TBCK: variants seen among roughly 807,000 people sequenced by gnomAD.
The protein encoded by TBCK is TBC domain-containing protein kinase-like protein.
In TBCK, 99 loss-of-function variants were observed where a neutral mutation model predicts 113.4. That is an observed-to-expected ratio of 0.87 (90% CI 0.74 to 1.03). The LOEUF is 1.03. TBCK is among the 50% of genes least tolerant of loss of function. The pLI, the probability that TBCK is intolerant of heterozygous loss-of-function variation, is 0.00. For synonymous variants in TBCK, 369 were observed against 370.8 expected (o/e 1.00, Z 0.05); for missense variants, 1,045 against 1,061.3 (o/e 0.98, Z 0.21).
chr4:106,244,883 C>A, intron 10 of TBCK, 119 bp from the exon 11 acceptor site: 1 of 607,706 alleles, frequency 1.6e-6, no homozygotes, highest in Non-Finnish European at 2.7e-6. Flanking sequence ...ACTTCCAGTT[C>A]CTAGTTCTGA....
intron 25 of TBCK, among the ~76,000 whole-genome samples, chr4:106,088,745 G>A (rs1350466936): frequency 6.6e-6 from 1 of 152,226 alleles, no homozygotes; most frequent in Admixed American, 6.5e-5. Flanking sequence ...ATACTATGAA[G>A]CCATAAAAAG....
At chr4:106,175,717 A>G (rs1344553490) in intron 22 of TBCK, among the ~76,000 whole-genome samples, 1 of 151,994 alleles carries the variant, frequency 6.6e-6, no homozygotes, top group African/African-American at 2.4e-5. Flanking sequence ...AAATATTTCA[A>G]CCACAACAAT....
chr4:106,242,189 A>G (rs1182692654), intron 12 of TBCK, among the ~76,000 whole-genome samples: 3 of 152,072 alleles, frequency 2.0e-5, no homozygotes, highest in African/African-American at 4.8e-5. Flanking sequence ...TAGATTAACA[A>G]TTTTTTAAAA....
chr4:106,295,902 A>G (rs2125849850), intron 2 of TBCK, among the ~76,000 whole-genome samples: 1 of 152,106 alleles, frequency 6.6e-6, no homozygotes, highest in Admixed American at 6.5e-5. Flanking sequence ...GAGTTTTTTC[A>G]AATTGTCAAA....
intron 23 of TBCK, among the ~76,000 whole-genome samples, chr4:106,129,733 A>C (rs989932448): frequency 2.6e-5 from 4 of 152,222 alleles, no homozygotes; most frequent in African/African-American, 9.6e-5. Flanking sequence ...CAGTCATAGA[A>C]ATACAAAAAG....
At chr4:106,130,902 T>C (rs1053055751) in intron 23 of TBCK, among the ~76,000 whole-genome samples, 3 of 152,178 alleles carry the variant, frequency 2.0e-5, no homozygotes, top group African/African-American at 2.4e-5. Flanking sequence ...ACTATACTTA[T>C]AATAGGTAAT....
intron 3 of TBCK, among the ~76,000 whole-genome samples, chr4:106,284,801 G>C (rs753560060): frequency 6.6e-6 from 1 of 152,098 alleles, no homozygotes; most frequent in African/African-American, 2.4e-5. Flanking sequence ...TGCCTGCTTT[G>C]ATAGCAGTGA....
intron 3 of TBCK, among the ~76,000 whole-genome samples, chr4:106,277,260 G>T (rs892154821): frequency 6.6e-6 from 1 of 151,988 alleles, no homozygotes; most frequent in Non-Finnish European, 1.5e-5. Flanking sequence ...ATAACATTTT[G>T]GAAAAAGGTC....
At chr4:106,101,419 A>G (rs2149530459) in intron 24 of TBCK, among the ~76,000 whole-genome samples, 1 of 152,330 alleles carries the variant, frequency 6.6e-6, no homozygotes, top group East Asian at 1.9e-4. Flanking sequence ...TGAGATGAAA[A>G]AAACCTTACT....
At chr4:106,278,074 T>A (rs1764197249) in intron 3 of TBCK, among the ~76,000 whole-genome samples, 1 of 145,810 alleles carries the variant, frequency 6.9e-6, no homozygotes, top group African/African-American at 2.6e-5. Flanking sequence ...TTATTTCAAT[T>A]TTACTATTTG....
rs1579497516 is a variant in TBCK, at chr4:106,281,486, C to A, written c.266+13608G>T. On this transcript the variant is annotated intron_variant, in intron 3 of 25. Coordinates refer to ENST00000394708, the MANE Select transcript of TBCK (RefSeq NM_001163435.3). ...ACAGTAGTGAAAGTGGGTATCCTTG[C>A]CATGTTCCAGATCTTAGTAAAAAGG... 2.6e-5 allele frequency among the ~76,000 whole-genome samples: 4 copies of A among 152,042 alleles called. No individual in the cohort carries two copies. In the East Asian group the frequency reaches 7.7e-4, roughly 29 times the overall value.
intron 19 of TBCK, among the ~76,000 whole-genome samples, chr4:106,222,322 T>C (rs909259218): frequency 6.6e-6 from 1 of 152,130 alleles, no homozygotes; most frequent in Non-Finnish European, 1.5e-5. Context: ...TTGTTATATA[T>C]ATTAACATGA....
chr4:106,194,895 T>C, intron 20 of TBCK, 141 bp from the exon 21 acceptor site: 1 of 812,140 alleles, frequency 1.2e-6, no homozygotes, highest in Non-Finnish European at 1.9e-6. Flanking sequence ...GAGAATGTAG[T>C]GTTAAGTTTA....
intron 22 of TBCK, among the ~76,000 whole-genome samples, chr4:106,188,802 G>C (rs925485815): frequency 2.0e-5 from 3 of 152,126 alleles, no homozygotes; most frequent in Non-Finnish European, 4.4e-5. Context: ...AAAATTAGTT[G>C]TATGCTTCAA....
In TBCK at chr4:106,135,523, A is replaced by G. The variant is rs912655391; in HGVS notation, c.2236-19145T>C. On this transcript the variant is annotated intron_variant, in intron 23 of 25. Transcript: ENST00000394708. ...ACTATGAGAACTCAGGGAAAGAGTG[A>G]AACACAATATGGGCAGAAGTAGTTA... Among the ~76,000 whole-genome samples the G allele has an allele frequency of 8.2e-5, 9 of 109,772 alleles. 2 individuals are homozygous for G. Among genetic ancestry groups the G allele is most frequent in the Non-Finnish European group, 4.5e-5 (2 of 44,904 alleles). 72.0% of individuals were successfully genotyped at this position (109,772 alleles called of 152,430 possible).
chr4:106,237,664 C>A, intron 12 of TBCK: 1 of 382,160 alleles, frequency 2.6e-6, no homozygotes, highest in Non-Finnish European at 5.3e-6. Context: ...AAATCTTTTA[C>A]TCAAACTAAG....
intron 3 of TBCK, among the ~76,000 whole-genome samples, chr4:106,282,811 GC>G (rs1764741725): frequency 6.6e-6 from 1 of 152,080 alleles, no homozygotes; most frequent in African/African-American, 2.4e-5. Context: ...TCTTCACAGG[GC>G]AGCAGGAGAC....
chr4:106,119,803 T>C (rs948159592), intron 23 of TBCK, among the ~76,000 whole-genome samples: 6 of 152,068 alleles, frequency 3.9e-5, no homozygotes, highest in Middle Eastern at 3.4e-3. Flanking sequence ...AGGAACTCAA[T>C]AGCAATAATA....
At chr4:106,068,802 C>A (rs1200598603) in intron 25 of TBCK, among the ~76,000 whole-genome samples, 1 of 152,182 alleles carries the variant, frequency 6.6e-6, no homozygotes, top group Non-Finnish European at 1.5e-5. Context: ...TCCTCTCCAG[C>A]ACCTGTTGCT....
Sources: gnomAD v4.1 joint callset for allele counts (sites outside exome capture counted in the v4.1 genomes callset) on GRCh38, gnomAD v4.1.1 for gene constraint, MANE v1.5 for transcripts, NCBI Gene and HGNC (gene_info 2026-07-23, HGNC 2026-07-21) for gene names.